The following PWWP2A variants were observed in gnomAD, a reference collection of about 807,000 sequenced individuals.
The protein encoded by PWWP2A is PWWP domain containing 2A, also known as PWWP domain-containing protein 2A.
PWWP2A carries 18 observed loss-of-function variants against 48.5 expected under a neutral mutation model. That is an observed-to-expected ratio of 0.37 (90% CI 0.26 to 0.55). The LOEUF (loss-of-function observed/expected upper bound fraction) is 0.55, where lower values mean the gene tolerates loss of function less well. PWWP2A is among the 20% of genes least tolerant of loss of function. The probability of loss-of-function intolerance (pLI) is 0.81; values close to 1 mark genes in which losing one functional copy is unlikely to be tolerated. For synonymous variants in PWWP2A, 396 were observed against 387.7 expected, an observed-to-expected ratio of 1.02 and a Z score of -0.25; for missense variants, 867 against 976.4, an observed-to-expected ratio of 0.89 and a Z score of 1.49.
chr5:160,045,495 CACACACACACACACACACATACACA>C, the PWWP2A span, among the ~76,000 whole-genome samples: 1 of 116,360 alleles, frequency 8.6e-6, no homozygotes, highest in African/African-American at 3.3e-5. Context: ...CACACACACA[CACACACACACACACACACATACACA>C]CTCTCTCTCT....
At chr5:160,107,844 T>C (rs1431305481) in intron 1 of PWWP2A, among the ~76,000 whole-genome samples, 2 of 152,086 alleles carry the variant, frequency 1.3e-5, no homozygotes, top group Non-Finnish European at 2.9e-5. Context: ...CTACTAAAAA[T>C]ACAAAAATTA....
Position 160,101,763 on chromosome 5 carries a change from C to T in PWWP2A, c.585-7698G>A, listed in dbSNP as rs995437130. Among the ~76,000 whole-genome samples the T allele has an allele frequency of 2.7e-5, 4 of 150,454 alleles. No individual in the cohort carries two copies. In the East Asian group the frequency reaches 7.8e-4, roughly 29 times the overall value. On this transcript the variant is annotated intron_variant, in intron 1 of 1. Coordinates refer to ENST00000307063, the MANE Select transcript of PWWP2A (RefSeq NM_001130864.2). ...CTAAAACAGAAGCATCACTTGAGCC[C>T]GAGTTCGAGGCCATCCTGGGCAACA...
chr5:160,082,094 A>G lies in PWWP2A; in HGVS notation c.1550-1324T>C, dbSNP rs557079016. Among the ~76,000 whole-genome samples the G allele has an allele frequency of 1.5e-3, 235 of 152,326 alleles. 3 individuals are homozygous for G. Among genetic ancestry groups the G allele is most frequent in the African/African-American group, 5.5e-3 (227 of 41,568 alleles). ...TTTTGTTCATGGAAAAACTTAATAT[A>G]CTATCAACTATAACCCAACAGCAAT... On this transcript the variant is annotated intron_variant, in intron 2 of 3. Transcript: ENST00000456329.
chr5:160,083,662 G>A (rs1754407785), intron 2 of PWWP2A, among the ~76,000 whole-genome samples: 1 of 152,290 alleles, frequency 6.6e-6, no homozygotes, highest in Middle Eastern at 3.4e-3. Context: ...ATACTTATGT[G>A]TCATGGAAAG....
intron 2 of PWWP2A, among the ~76,000 whole-genome samples, chr5:160,068,459 C>T (rs1478954012): frequency 6.6e-6 from 1 of 151,852 alleles, no homozygotes; most frequent in African/African-American, 2.4e-5. Context: ...ATTAGCCGGG[C>T]GTGGTGGCGG....
Position 160,118,870 on chromosome 5 carries a change from C to A in PWWP2A, c.519G>T (p.Ala173=), listed in dbSNP as rs989498942. ...RVTLDHIIED[A]LVVSFRFGEK... ...CCCCGAAGCGGAACGACACGACAAG[C>A]GCGTCCTCAATGATGTGGTCCAGCG... The change falls in exon 1 of 2, where the codon GCG becomes GCT. Residue 173 remains alanine (A), a synonymous_variant. Transcript: ENST00000307063. The A allele has an allele frequency of 1.4e-5, 22 of 1,595,506 alleles. No homozygotes were observed. Among genetic ancestry groups the A allele is most frequent in the Admixed American group, 1.0e-4 (6 of 58,136 alleles).
At chr5:160,063,834 G>A (rs1352167773) in intron 4 of PWWP2A, among the ~76,000 whole-genome samples, 1 of 152,058 alleles carries the variant, frequency 6.6e-6, no homozygotes, top group East Asian at 1.9e-4. Context: ...TAGAGATAGA[G>A]TCTCACTGCG....
At chr5:160,095,447 C>T (rs1437190642) in intron 1 of PWWP2A, among the ~76,000 whole-genome samples, 1 of 152,102 alleles carries the variant, frequency 6.6e-6, no homozygotes, top group Non-Finnish European at 1.5e-5. Context: ...AATCACACTA[C>T]CAAATAATTT....
chr5:160,118,974 C>G lies in PWWP2A; in HGVS notation c.415G>C (p.Val139Leu), dbSNP rs1298447209. The change falls in exon 1 of 2, where the codon GTA (valine) becomes CTA (leucine). Residue 139 changes from valine (V) to leucine (L), a missense_variant. Transcript: ENST00000307063. ...EREEPPLPQP[V>L]APALVPPAGG... ...GCCGGCGGCACGAGCGCCGGGGCTA[C>G]GGGCTGAGGCAGCGGCGGCTCCTCG... 1.3e-6 allele frequency: 2 copies of G among 1,596,328 alleles called. No individual in the cohort carries two copies. The highest frequency in any genetic ancestry group is 1.7e-6 in the Non-Finnish European group (2 of 1,173,392).
chr5:160,101,675 C>A, intron 1 of PWWP2A, among the ~76,000 whole-genome samples: 2 of 149,540 alleles, frequency 1.3e-5, no homozygotes, highest in African/African-American at 2.5e-5. Context: ...TTTACAATTT[C>A]AAAAAACTTT....
the PWWP2A span, among the ~76,000 whole-genome samples, chr5:160,050,842 T>C: frequency 6.6e-6 from 1 of 152,022 alleles, no homozygotes; most frequent in South Asian, 2.1e-4. Context: ...CCCAAGGTGG[T>C]CTCAAACTCC....
At position 160,093,232 on chromosome 5, in the gene PWWP2A, C is replaced by T. The variant is rs761217384; in HGVS notation, c.1418G>A (p.Arg473Gln). Reference protein sequence around the residue: ...QNPSSGSLPPRVRLKPQRYRN... With the variant: ...QNPSSGSLPPQVRLKPQRYRN... ...GTACCTCTGTGGTTTTAAACGAACC[C>T]GGGGTGGAAGGGAACCTGAGCTAGG... is the stretch of plus-strand genomic sequence containing the variant. The change falls in exon 2 of 2, where the codon CGG (arginine) becomes CAG (glutamine). Residue 473 changes from arginine to glutamine, a missense_variant. Transcript: ENST00000307063. This position sits in a 1 kb window ranked among gnomAD's most constrained non-coding sequence, Gnocchi z 5.8. 3 of 1,613,844 alleles carry T rather than the reference C, an allele frequency of 1.9e-6. No individual in the cohort carries two copies. Among genetic ancestry groups the T allele is most frequent in the Non-Finnish European group, 2.5e-6 (3 of 1,179,898 alleles).
chr5:160,092,122 GCTC>G lies in PWWP2A; in HGVS notation c.*257_*259del, dbSNP rs1420944437. On this transcript the variant is annotated 3_prime_UTR_variant, in exon 2 of 2. Transcript: ENST00000307063. Reference sequence around the variant, plus strand: ...AAATTCAATTTCAGTTGAGGCTATGGCTCCTATGCCTTGGGATGGTTTCGAACT... The same window carrying G: ...AAATTCAATTTCAGTTGAGGCTATGGCTATGCCTTGGGATGGTTTCGAACT... The G allele has an allele frequency of 5.9e-6, 7 of 1,181,734 alleles. No individual in the cohort carries two copies. The highest frequency in any genetic ancestry group is 7.3e-6 in the Non-Finnish European group (7 of 954,158). The allele number at this position is 1,181,734 out of a possible 1,614,324, so 73.2% of individuals were successfully genotyped here. A position where few individuals can be genotyped will look rare whatever the true frequency, so the allele number is the denominator to read the frequency against.
At chr5:160,068,276 T>A (rs970536727) in intron 2 of PWWP2A, among the ~76,000 whole-genome samples, 1 of 152,224 alleles carries the variant, frequency 6.6e-6, no homozygotes, top group Non-Finnish European at 1.5e-5. Context: ...ACGTTGTACA[T>A]ATTCTTATTC....
At chr5:160,044,963 C>T in the PWWP2A span, among the ~76,000 whole-genome samples, 2 of 152,136 alleles carry the variant, frequency 1.3e-5, no homozygotes, top group East Asian at 3.8e-4. Flanking sequence ...GAAACTCTTT[C>T]TATATTATAA....
In PWWP2A at chr5:160,081,395, C is replaced by T. The variant is rs371667574; in HGVS notation, c.1550-625G>A. Among the ~76,000 whole-genome samples the T allele has an allele frequency of 7.2e-5, 11 of 152,224 alleles. No individual in the cohort carries two copies. The East Asian group carries it at 1.7e-3, about 24-fold the overall frequency. ...CTAGGATTACAGGCGCCCGCCACCA[C>T]ACCTGGCTAATTTTTTATATTTTTA... On this transcript the variant is annotated intron_variant, in intron 2 of 3. Coordinates refer to the PWWP2A transcript ENST00000456329.
chr5:160,052,891 G>A, the PWWP2A span, among the ~76,000 whole-genome samples: 1 of 152,176 alleles, frequency 6.6e-6, no homozygotes, highest in Non-Finnish European at 1.5e-5. Flanking sequence ...GAATTCACCT[G>A]CCATTAGACT....
downstream of PWWP2A, chr5:160,090,808 T>C: frequency 1.0e-6 from 1 of 981,018 alleles, no homozygotes; most frequent in Non-Finnish European, 1.2e-6. Flanking sequence ...AGACACAAAG[T>C]ATGAAAGCAA....
intron 1 of PWWP2A, among the ~76,000 whole-genome samples, chr5:160,112,883 A>AGTG (rs1447376899): frequency 1.3e-5 from 2 of 152,068 alleles, no homozygotes; most frequent in African/African-American, 4.8e-5. Context: ...CCAGGCCAGG[A>AGTG]GTGGTGGCTC....
Sources: allele counts gnomAD v4.1 joint callset (sites outside exome capture counted in the v4.1 genomes callset), GRCh38; gene constraint gnomAD v4.1.1; non-coding constraint Gnocchi (gnomAD v3.1); transcripts MANE v1.5; gene names NCBI Gene and HGNC (gene_info 2026-07-23, HGNC 2026-07-21).